The following BLOC1S6 variants were observed in gnomAD, a reference collection of about 807,000 sequenced individuals.
BLOC1S6 encodes biogenesis of lysosomal organelles complex 1 subunit 6, also known as biogenesis of lysosome-related organelles complex 1 subunit 6.
In BLOC1S6, 24 loss-of-function variants were observed where a neutral mutation model predicts 24.7. The ratio of observed to expected loss-of-function variants is 0.97; its 90% confidence interval spans 0.70 to 1.37. BLOC1S6 has a LOEUF of 1.37. BLOC1S6 is among the 40% of genes most tolerant of loss of function. BLOC1S6 has a pLI of 0.00. For missense variants in BLOC1S6, 175 were observed against 196.2 expected (o/e 0.89, Z 0.64); for synonymous variants, 76 against 72.6 (o/e 1.05, Z -0.23).
intron 2 of BLOC1S6, among the ~76,000 whole-genome samples, chr15:45,599,975 T>C (rs1275925840): frequency 6.6e-6 from 1 of 150,564 alleles, no homozygotes; most frequent in East Asian, 2.0e-4. Flanking sequence ...ATATGGCACA[T>C]ATACACCATG....
At chr15:45,587,264 C>T (rs1248669632), upstream of BLOC1S6, 5 of 666,726 alleles carry the variant, frequency 7.5e-6, no homozygotes, top group African/African-American at 8.9e-5. Flanking sequence ...GGGGTCCCCA[C>T]AACGCCATGG....
intron 3 of BLOC1S6, among the ~76,000 whole-genome samples, chr15:45,604,684 C>G (rs1001635207): frequency 2.0e-5 from 3 of 152,192 alleles, no homozygotes; most frequent in African/African-American, 7.2e-5. Flanking sequence ...ACTTTACTTG[C>G]AGCTACATTA....
intron 1 of BLOC1S6, among the ~76,000 whole-genome samples, chr15:45,590,183 C>A (rs1167257386): frequency 6.6e-6 from 1 of 151,752 alleles, no homozygotes; most frequent in Non-Finnish European, 1.5e-5. Context: ...TTCTCTCTCT[C>A]TCTCTCTCTC....
At chr15:45,605,711 C>A (rs1894429992) in intron 4 of BLOC1S6, 197 bp downstream of exon 4, 5 of 482,356 alleles carry the variant, frequency 1.0e-5, no homozygotes, top group South Asian at 8.5e-5. Flanking sequence ...TGCCTCAGCT[C>A]CCCAGGTAGC....
chr15:45,590,173 TTCTC>T lies in BLOC1S6; in HGVS notation c.83-1944_83-1941del, dbSNP rs564536818. On this transcript the variant is annotated intron_variant, in intron 1 of 4. Coordinates refer to ENST00000220531, the MANE Select transcript of BLOC1S6 (RefSeq NM_012388.4). ...ATTAATATCCCTAAGTGCTTCACTT[TTCTC>T]TCTCTCTCTCTCTCTCTATATTTTT... is the stretch of plus-strand genomic sequence containing the variant. 2.4e-3 allele frequency among the ~76,000 whole-genome samples: 355 copies of T among 150,106 alleles called. 1 individual carries two copies. Among genetic ancestry groups the T allele is most frequent in the Non-Finnish European group, 3.9e-3 (266 of 67,376 alleles).
intron 2 of BLOC1S6, among the ~76,000 whole-genome samples, chr15:45,596,278 G>C (rs1283668673): frequency 6.6e-6 from 1 of 151,700 alleles, no homozygotes; most frequent in Non-Finnish European, 1.5e-5. Context: ...GCTCACTGCA[G>C]CCTCCATTTC....
chr15:45,602,657 T>C (rs1353398979), intron 2 of BLOC1S6, among the ~76,000 whole-genome samples: 1 of 152,360 alleles, frequency 6.6e-6, no homozygotes, highest in East Asian at 1.9e-4. Context: ...GCTTAATTAT[T>C]CTTTTTGACT....
intron 2 of BLOC1S6, among the ~76,000 whole-genome samples, chr15:45,592,952 A>G (rs907092523): frequency 6.6e-6 from 1 of 152,204 alleles, no homozygotes; most frequent in African/African-American, 2.4e-5. Context: ...TACACTGGCT[A>G]TAAACTGCTG....
intron 1 of BLOC1S6, among the ~76,000 whole-genome samples, chr15:45,589,025 T>C (rs1893789166): frequency 1.3e-5 from 2 of 152,214 alleles, no homozygotes; most frequent in African/African-American, 2.4e-5. Flanking sequence ...CTTCTAAGAA[T>C]TTATCCTACA....
At chr15:45,590,191 C>T (rs144773256) in intron 1 of BLOC1S6, among the ~76,000 whole-genome samples, 1 of 151,606 alleles carries the variant, frequency 6.6e-6, no homozygotes, top group Non-Finnish European at 1.5e-5. Flanking sequence ...CTCTCTCTCT[C>T]TCTATATTTT....
At chr15:45,600,001 A>G (rs1894212399) in intron 2 of BLOC1S6, among the ~76,000 whole-genome samples, 1 of 151,374 alleles carries the variant, frequency 6.6e-6, no homozygotes, top group Non-Finnish European at 1.5e-5. Context: ...CTATGCAGCC[A>G]TAAAAAATGA....
At chr15:45,592,758 TAAG>T (rs1220901981) in intron 2 of BLOC1S6, among the ~76,000 whole-genome samples, 5 of 152,302 alleles carry the variant, frequency 3.3e-5, no homozygotes, top group African/African-American at 1.2e-4. Flanking sequence ...GAGGATATGT[TAAG>T]AAAACAGTTT....
At chr15:45,602,370 A>T in intron 2 of BLOC1S6, 1 of 687,740 alleles carries the variant, frequency 1.5e-6, no homozygotes, top group Non-Finnish European at 2.6e-6. Flanking sequence ...TCTTTAAAAT[A>T]TTCAGGTAGG....
In BLOC1S6 at chr15:45,603,157, A is replaced by G. The variant is rs774700428; in HGVS notation, c.282A>G (p.Glu94=). The change falls in exon 3 of 5, where the codon GAA becomes GAG. Residue 94 remains glutamate (E), a synonymous_variant. Coordinates refer to ENST00000220531, the MANE Select transcript of BLOC1S6 (RefSeq NM_012388.4). ...AACAAGAGATTTCAAAATTTAAAGAATGTCATTCTATGTTGGATATTAATG... is the reference window on the plus strand; with the variant it reads ...AACAAGAGATTTCAAAATTTAAAGAGTGTCATTCTATGTTGGATATTAATG... ...TLEQEISKFK[E]CHSMLDINAL... is the part of the protein sequence containing the mutation. The G allele has an allele frequency of 1.8e-5, 29 of 1,606,110 alleles. No individual in the cohort carries two copies. Among genetic ancestry groups the G allele is most frequent in the Non-Finnish European group, 2.4e-5 (28 of 1,173,392 alleles).
In BLOC1S6 at chr15:45,608,527, G is replaced by A. The variant is rs893860100; in HGVS notation, c.*2013G>A. 5 of 152,174 alleles carry A rather than the reference G, an allele frequency of 3.3e-5. No individual in the cohort carries two copies. Among genetic ancestry groups the A allele is most frequent in the Admixed American group, 3.3e-4 (5 of 15,272 alleles). 9.4% of individuals were successfully genotyped at this position (152,174 alleles called of 1,614,324 possible). The stretch of plus-strand genomic sequence containing the variant: ...ATTCTCTATCTACTGAAGCACATCT[G>A]TTTTCTTTGTTTGTTTTGCTTTGCT... On this transcript the variant is annotated 3_prime_UTR_variant, in exon 5 of 5. Coordinates refer to ENST00000220531, the MANE Select transcript of BLOC1S6 (RefSeq NM_012388.4).
chr15:45,589,956 G>A (rs547980993), intron 1 of BLOC1S6, among the ~76,000 whole-genome samples: 1 of 152,246 alleles, frequency 6.6e-6, no homozygotes, highest in East Asian at 1.9e-4. Flanking sequence ...ATTGTTAAGC[G>A]AAGTGAATTA....
At chr15:45,605,367 T>C (rs1176878907) in intron 3 of BLOC1S6, 61 bp from the exon 4 acceptor site, 1 of 1,339,256 alleles carries the variant, frequency 7.5e-7, no homozygotes, top group Non-Finnish European at 1.1e-6. Flanking sequence ...TTGCCTTATT[T>C]ATTCATTTTG....
chr15:45,602,849 A>C (rs972354377), intron 2 of BLOC1S6, among the ~76,000 whole-genome samples: 1 of 152,234 alleles, frequency 6.6e-6, no homozygotes. Flanking sequence ...AAGTAATAAA[A>C]TACTTTTAAA....
Position 45,605,445 on chromosome 15 carries a change from C to G in BLOC1S6, c.330C>G (p.His110Gln), listed in dbSNP as rs370118149. The G allele has an allele frequency of 1.9e-6, 3 of 1,612,154 alleles. No homozygotes were observed. The highest frequency in any genetic ancestry group is 2.2e-5 in the East Asian group (1 of 44,776). Reference protein sequence around the residue: ...DINALFAEAKHYHAKLVNIRK... With the variant: ...DINALFAEAKQYHAKLVNIRK... ...ATGTTAAGTTTGCTGAGGCTAAACA[C>G]TATCATGCCAAGTTGGTGAATATAA... is the stretch of plus-strand genomic sequence containing the variant. Residue 110 changes from histidine to glutamine, a missense_variant, in exon 4 of 5, where the codon CAC becomes CAG. His to Gln is a conservative substitution (Grantham distance 24). Transcript: ENST00000220531.
Sources: gnomAD v4.1 joint callset for allele counts (sites outside exome capture counted in the v4.1 genomes callset) on GRCh38, gnomAD v4.1.1 for gene constraint, MANE v1.5 for transcripts, NCBI Gene and HGNC (gene_info 2026-07-23, HGNC 2026-07-21) for gene names.